The following CAPN13 variants were observed in gnomAD, a reference collection of about 807,000 sequenced individuals.
CAPN13 encodes the protein calpain 13.
Under a neutral mutation model 98.4 loss-of-function variants are expected in CAPN13, and 90 were observed. That is an observed-to-expected ratio of 0.92 (90% CI 0.77 to 1.09). The LOEUF is 1.09. Among genes scored for constraint, CAPN13 ranks in the 50% least tolerant of loss-of-function variants. CAPN13 has a pLI of 0.00. For synonymous variants in CAPN13, 330 were observed against 305.5 expected, an observed-to-expected ratio of 1.08 and a Z score of -0.84; for missense variants, 887 against 841.3, an observed-to-expected ratio of 1.05 and a Z score of -0.67.
At chr2:30,802,463 A>ATG (rs60572949) in intron 1 of CAPN13, among the ~76,000 whole-genome samples, 6,425 of 140,098 alleles carry the variant, frequency 0.046, 269 homozygotes, top group East Asian at 0.11. Flanking sequence ...GTGTGTGTGT[A>ATG]TGTGTGTGTG....
intron 1 of CAPN13, among the ~76,000 whole-genome samples, chr2:30,796,190 ATATG>A (rs1284422582): frequency 6.9e-6 from 1 of 145,972 alleles, no homozygotes; most frequent in African/African-American, 2.6e-5. Context: ...ATATACATAT[ATATG>A]TGTGTGTATA....
intron 1 of CAPN13, among the ~76,000 whole-genome samples, chr2:30,796,188 A>ATATATACATATATATATATG (rs1674862644): frequency 2.8e-5 from 4 of 145,004 alleles, no homozygotes; most frequent in African/African-American, 1.0e-4. Context: ...ATATATACAT[A>ATATATACATATATATATATG]TATATGTGTG....
chr2:30,763,092 C>T lies in CAPN13; in HGVS notation c.764G>A (p.Gly255Glu), dbSNP rs1188842339. The change falls in exon 7 of 23, where the codon GGG (glycine) becomes GAG (glutamate). Residue 255 changes from glycine to glutamate, a missense_variant. Gly to Glu is a moderately conservative substitution (Grantham distance 98). Transcript: ENST00000295055. ...LVSLHAYTVTGAEQIQYRRGW... is the reference protein window; with the variant it reads ...LVSLHAYTVTEAEQIQYRRGW... Reference sequence around the variant, plus strand: ...AGCAGCCAGCCTTACCTGCTCAGCCCCAGTCACAGTGTAGGCATGGAGACT... The same window carrying T: ...AGCAGCCAGCCTTACCTGCTCAGCCTCAGTCACAGTGTAGGCATGGAGACT... The T allele has an allele frequency of 6.2e-7, 1 of 1,609,314 alleles. No individual in the cohort carries two copies. The highest frequency in any genetic ancestry group is 1.7e-5 in the Admixed American group (1 of 59,682).
At chr2:30,734,132 G>A (rs9631077) in intron 19 of CAPN13, among the ~76,000 whole-genome samples, 25 of 152,332 alleles carry the variant, frequency 1.6e-4, no homozygotes, top group African/African-American at 5.5e-4. Context: ...AGCTGGAAGC[G>A]CGTCTCCAAG....
intron 1 of CAPN13, among the ~76,000 whole-genome samples, chr2:30,798,929 ATG>A (rs1179082493): frequency 1.3e-5 from 2 of 152,162 alleles, no homozygotes; most frequent in Non-Finnish European, 2.9e-5. Context: ...TTGTGTGTGT[ATG>A]TGTGTGTTTA....
At chr2:30,724,908 T>C (rs1414386590) in intron 22 of CAPN13, among the ~76,000 whole-genome samples, 3 of 151,428 alleles carry the variant, frequency 2.0e-5, no homozygotes, top group Non-Finnish European at 4.4e-5. Flanking sequence ...CTGCAGAAAA[T>C]GGTTGTTGGT....
In CAPN13 at chr2:30,764,138, T is replaced by C; in HGVS notation, c.693A>G (p.Pro231=). 6.4e-7 allele frequency: 1 copy of C among 1,567,942 alleles called. No individual in the cohort carries two copies. Residue 231 remains proline, a synonymous_variant, in exon 6 of 23, where the codon CCA becomes CCG. Coordinates refer to ENST00000295055, the MANE Select transcript of CAPN13 (RefSeq NM_144575.3). ...KAGSLITCAT[P]SGPTDTAQAM... ...GGGCTCCCCAGTGACTTACCCCACT[T>C]GGAGTGGCACAGGTTATCAGGGAGC...
intron 2 of CAPN13, among the ~76,000 whole-genome samples, chr2:30,784,599 C>CA (rs1462567923): frequency 6.6e-6 from 1 of 152,040 alleles, no homozygotes; most frequent in Non-Finnish European, 1.5e-5. Flanking sequence ...TCTACTAGTG[C>CA]AAAAAACATT....
chr2:30,740,909 T>C (rs1671619141), intron 15 of CAPN13, among the ~76,000 whole-genome samples: 1 of 152,204 alleles, frequency 6.6e-6, no homozygotes, highest in African/African-American at 2.4e-5. Flanking sequence ...GCATCAGCTC[T>C]GGGGGAGGTG....
chr2:30,782,975 G>A (rs1487923703), intron 2 of CAPN13, among the ~76,000 whole-genome samples: 1 of 152,156 alleles, frequency 6.6e-6, no homozygotes, highest in African/African-American at 2.4e-5. Flanking sequence ...TAGCCACACG[G>A]GACTAGTGGC....
chr2:30,764,375 A>C (rs1673007123), intron 5 of CAPN13, 69 bp from the exon 6 acceptor site: 1 of 1,532,054 alleles, frequency 6.5e-7, no homozygotes, highest in Non-Finnish European at 8.9e-7. Flanking sequence ...GAGCTTGTGC[A>C]CTGATCCTCT....
At chr2:30,791,902 AT>A (rs1400778962) in intron 1 of CAPN13, among the ~76,000 whole-genome samples, 1 of 152,204 alleles carries the variant, frequency 6.6e-6, no homozygotes, top group Non-Finnish European at 1.5e-5. Context: ...TCTCTCAGAA[AT>A]AAATAGTTGT....
intron 15 of CAPN13, among the ~76,000 whole-genome samples, chr2:30,740,023 G>C (rs1671568957): frequency 6.6e-6 from 1 of 151,542 alleles, no homozygotes; most frequent in Non-Finnish European, 1.5e-5. Flanking sequence ...GGGTTATAGA[G>C]CTGTCACCAC....
chr2:30,731,365 T>G lies in CAPN13; in HGVS notation c.1962A>C (p.Gly654=). 1 of 1,610,366 alleles carries G rather than the reference T, an allele frequency of 6.2e-7. No homozygotes were observed. The highest frequency in any genetic ancestry group is 8.5e-7 in the Non-Finnish European group (1 of 1,178,264). The change falls in exon 21 of 23, where the codon GGA becomes GGC. Residue 654 remains glycine, a synonymous_variant. Transcript: ENST00000295055. ...TFRNLSKDGK[G]LYLTEMEWMS... The stretch of plus-strand genomic sequence containing the variant: ...TCACCTCCATTTCTGTCAGGTAGAG[T>G]CCTTTTCCATCCTTAGAGAGGTTGC...
intron 13 of CAPN13, chr2:30,743,070 T>G (rs369840626): frequency 2.8e-6 from 1 of 363,280 alleles, no homozygotes. Context: ...TTAAATTATG[T>G]TTTTCTTCAA....
At chr2:30,769,248 T>C (rs751831867) in intron 5 of CAPN13, among the ~76,000 whole-genome samples, 41 of 152,044 alleles carry the variant, frequency 2.7e-4, no homozygotes, top group Non-Finnish European at 2.1e-4. Flanking sequence ...AATGTCCCTA[T>C]TGGGTGTGAG....
Position 30,754,477 on chromosome 2 carries a change from G to C in CAPN13, c.867-113C>G, listed in dbSNP as rs887715582. 31 of 822,652 alleles carry C rather than the reference G, an allele frequency of 3.8e-5. No individual in the cohort carries two copies. In the South Asian group the frequency reaches 4.2e-4, roughly 11 times the overall value. The allele number at this position is 822,652 out of a possible 1,614,324, so 51.0% of individuals were successfully genotyped here. ...TGTCACCATTCCTGGGGAGCACAGG[G>C]CAAGTGTCATCCTACCTAGGACAGG... On this transcript the variant is annotated intron_variant, in intron 8 of 22. Coordinates refer to ENST00000295055, the MANE Select transcript of CAPN13 (RefSeq NM_144575.3).
At chr2:30,806,537 G>C (rs1306161394) in intron 1 of CAPN13, among the ~76,000 whole-genome samples, 3 of 152,208 alleles carry the variant, frequency 2.0e-5, no homozygotes, top group African/African-American at 7.2e-5. Context: ...AGTTGTGTTT[G>C]TGACCCAGGA....
chr2:30,777,717 T>C, intron 2 of CAPN13, 78 bp from the exon 3 acceptor site: 1 of 1,221,024 alleles, frequency 8.2e-7, no homozygotes, highest in Non-Finnish European at 1.2e-6. Flanking sequence ...ACTTTGTCTT[T>C]CAAGGGTCGA....
Sources: allele counts gnomAD v4.1 joint callset (sites outside exome capture counted in the v4.1 genomes callset), GRCh38; gene constraint gnomAD v4.1.1; transcripts MANE v1.5; gene names NCBI Gene and HGNC (gene_info 2026-07-23, HGNC 2026-07-21).